Variants in ZFAND3 observed in about 807,000 individuals in gnomAD.
ZFAND3 encodes the protein AN1-type zinc finger protein 3.
In ZFAND3, 10 loss-of-function variants were observed where a neutral mutation model predicts 29.6. That is an observed-to-expected ratio of 0.34 (90% CI 0.21 to 0.57). ZFAND3 has a LOEUF of 0.57. Ranked by LOEUF, ZFAND3 falls within the 20% of genes least tolerant of loss-of-function variation. The pLI is 0.86. For missense variants in ZFAND3, 230 were observed against 304.5 expected (o/e 0.76, Z 1.82); for synonymous variants, 128 against 112.6 (o/e 1.14, Z -0.87).
intron 2 of ZFAND3, among the ~76,000 whole-genome samples, chr6:38,011,617 C>T (rs919485965): frequency 1.1e-4 from 16 of 151,916 alleles, no homozygotes; most frequent in African/African-American, 3.9e-4. Context: ...CTAAAAGTAC[C>T]AAGGAGGAAG....
chr6:38,154,321 A>G lies in ZFAND3; in HGVS notation c.*1932A>G, dbSNP rs12200389. ...TGGAGGCAGCCATGGGAAGGAGCCC[A>G]GGGGAGCTGGCCTGGGGGAGCGAAG... On this transcript the variant is annotated 3_prime_UTR_variant, in exon 6 of 6. Transcript: ENST00000287218. 29,387 of 974,866 alleles carry G rather than the reference A, an allele frequency of 0.03. 471 individuals are homozygous for G. The highest frequency in any genetic ancestry group is 0.033 in the Non-Finnish European group (27,649 of 827,150). 60.4% of individuals were successfully genotyped at this position (974,866 alleles called of 1,614,324 possible).
chr6:38,016,137 A>C (rs1283889256), intron 2 of ZFAND3, among the ~76,000 whole-genome samples: 1 of 152,192 alleles, frequency 6.6e-6, no homozygotes, highest in African/African-American at 2.4e-5. Context: ...GGAGTCAAAT[A>C]TACCTGGATT....
chr6:37,936,935 G>A (rs1432173022), intron 2 of ZFAND3, among the ~76,000 whole-genome samples: 1 of 152,170 alleles, frequency 6.6e-6, no homozygotes. Flanking sequence ...AAGCCAAAAT[G>A]CTAACATTTT....
chr6:37,992,782 T>C (rs964532706), intron 2 of ZFAND3, among the ~76,000 whole-genome samples: 1 of 152,226 alleles, frequency 6.6e-6, no homozygotes, highest in African/African-American at 2.4e-5. Flanking sequence ...GTCTCTCTTA[T>C]TTTCATCTAC....
At chr6:37,921,895 A>C (rs371231203) in intron 1 of ZFAND3, among the ~76,000 whole-genome samples, 4 of 151,068 alleles carry the variant, frequency 2.6e-5, no homozygotes, top group South Asian at 4.2e-4. Flanking sequence ...AAAAAAAAAA[A>C]AAACAAACCC....
chr6:37,840,982 A>G (rs1764062989), intron 1 of ZFAND3, among the ~76,000 whole-genome samples: 1 of 152,342 alleles, frequency 6.6e-6, no homozygotes, highest in South Asian at 2.1e-4. Flanking sequence ...TTGTAACCAT[A>G]ATGCTTGAAT....
intron 1 of ZFAND3, among the ~76,000 whole-genome samples, chr6:37,895,037 G>T (rs71569395): frequency 0.13 from 19,781 of 151,982 alleles, 2,089 homozygotes; most frequent in African/African-American, 0.3. Flanking sequence ...GGATCAAAGG[G>T]CTTATTATGT....
intron 1 of ZFAND3, among the ~76,000 whole-genome samples, chr6:37,900,775 A>G (rs927721946): frequency 6.6e-6 from 1 of 152,212 alleles, no homozygotes; most frequent in African/African-American, 2.4e-5. Context: ...GTGGGGCAAG[A>G]ATAAAATAAT....
At chr6:38,111,814 C>T (rs1000933142) in intron 4 of ZFAND3, among the ~76,000 whole-genome samples, 1 of 152,130 alleles carries the variant, frequency 6.6e-6, no homozygotes. Context: ...AAATTTTCAG[C>T]TGTAACAGGG....
At chr6:37,862,405 G>A (rs1165919499) in intron 1 of ZFAND3, among the ~76,000 whole-genome samples, 1 of 151,910 alleles carries the variant, frequency 6.6e-6, no homozygotes, top group African/African-American at 2.4e-5. Flanking sequence ...CTGCTGCAGG[G>A]GCTGAGCACA....
Position 37,919,385 on chromosome 6 carries a change from G to A in ZFAND3, c.72-10574G>A, listed in dbSNP as rs535989303. ...AAATTTTAAAATGTTACTTTTCCTA[G>A]TTATGAACAGATTTAAATTCTCCAT... On this transcript the variant is annotated intron_variant, in intron 1 of 5. Coordinates refer to ENST00000287218, the MANE Select transcript of ZFAND3 (RefSeq NM_021943.3). 2.8e-3 allele frequency among the ~76,000 whole-genome samples: 431 copies of A among 152,182 alleles called. 2 individuals are homozygous for A. The highest frequency in any genetic ancestry group is 9.9e-3 in the African/African-American group (409 of 41,520).
rs180981249 is a variant in ZFAND3 at position 38,106,079 on chromosome 6, A to G, written c.362-10493A>G. 7.2e-5 allele frequency among the ~76,000 whole-genome samples: 11 copies of G among 152,210 alleles called. No individual in the cohort carries two copies. In the East Asian group the frequency reaches 2.1e-3, roughly 29 times the overall value. On this transcript the variant is annotated intron_variant, in intron 4 of 5. Coordinates refer to ENST00000287218, the MANE Select transcript of ZFAND3 (RefSeq NM_021943.3). ...AGGGCCTTTGCTTCCCAGACTGTGA[A>G]ATGTTCTATTTAGTGGATGGTTTTT... is the stretch of plus-strand genomic sequence containing the variant.
chr6:37,969,310 A>G (rs1054532197), intron 2 of ZFAND3, among the ~76,000 whole-genome samples: 2 of 152,178 alleles, frequency 1.3e-5, no homozygotes, highest in South Asian at 2.1e-4. Flanking sequence ...ATGCTTCTTG[A>G]TTTAAAATTA....
rs1004526870 is a variant in ZFAND3, at chr6:37,923,504, ACTT to A, written c.72-6450_72-6448del. On this transcript the variant is annotated intron_variant, in intron 1 of 5. Coordinates refer to ENST00000287218, the MANE Select transcript of ZFAND3 (RefSeq NM_021943.3). Reference sequence around the variant, plus strand: ...TAAGGCTGCTTTACAGTTAACAACTACTTCTTCCTCTTCTTTTTTTAGTAAGTA... The same window carrying A: ...TAAGGCTGCTTTACAGTTAACAACTACTTCCTCTTCTTTTTTTAGTAAGTA... 4.9e-4 allele frequency among the ~76,000 whole-genome samples: 74 copies of A among 152,354 alleles called. 1 individual carries two copies. Among genetic ancestry groups the A allele is most frequent in the Admixed American group, 4.5e-3 (69 of 15,302 alleles).
At chr6:38,120,739 A>T (rs2127486756) in intron 5 of ZFAND3, among the ~76,000 whole-genome samples, 1 of 152,264 alleles carries the variant, frequency 6.6e-6, no homozygotes, top group Non-Finnish European at 1.5e-5. Flanking sequence ...GCATTAACAA[A>T]CTTAAGTGGA....
chr6:37,833,897 T>A (rs1017729893), intron 1 of ZFAND3, among the ~76,000 whole-genome samples: 1 of 150,780 alleles, frequency 6.6e-6, no homozygotes, highest in African/African-American at 2.4e-5. Flanking sequence ...TACTAGAAGG[T>A]AAAAAGAGAG....
Position 38,059,335 on chromosome 6 carries a change from GTAT to G in ZFAND3, c.113-2251_113-2249del, listed in dbSNP as rs1280078516. 9.2e-5 allele frequency among the ~76,000 whole-genome samples: 14 copies of G among 152,124 alleles called. 1 individual carries two copies. The highest frequency in any genetic ancestry group is 3.1e-4 in the African/African-American group (13 of 41,498). ...TAACATATTTTAAATTTTTATATAA[GTAT>G]TATTATACCGTGTATATCTTTCTGT... is the stretch of plus-strand genomic sequence containing the variant. On this transcript the variant is annotated intron_variant, in intron 2 of 5. Transcript: ENST00000287218.
Position 38,116,687 on chromosome 6 carries a change from G to A in ZFAND3, c.477G>A (p.Gln159=). The A allele has an allele frequency of 6.2e-7, 1 of 1,614,198 alleles. No homozygotes were observed. Among genetic ancestry groups the A allele is most frequent in the Non-Finnish European group, 8.5e-7 (1 of 1,180,016 alleles). ...AGAAGAGTCGACGTCGGTGCTTCCA[G>A]TGCCAAACCAAACTGGAGCTGGTGC... ...SKQKSRRRCF[Q]CQTKLELVQQ... The change falls in exon 5 of 6, where the codon CAG becomes CAA. Residue 159 remains glutamine, a synonymous_variant. Transcript: ENST00000287218.
chr6:38,117,621 A>T (rs1018245338), intron 5 of ZFAND3, among the ~76,000 whole-genome samples: 3 of 152,248 alleles, frequency 2.0e-5, no homozygotes, highest in African/African-American at 4.8e-5. Context: ...AGCTGTCATC[A>T]GGTTGACTTT....
Sources: gnomAD v4.1 joint callset for allele counts (sites outside exome capture counted in the v4.1 genomes callset) on GRCh38, gnomAD v4.1.1 for gene constraint, MANE v1.5 for transcripts, NCBI Gene and HGNC (gene_info 2026-07-23, HGNC 2026-07-21) for gene names.